Variants in CABP5 observed in about 807,000 individuals in gnomAD.
The protein encoded by CABP5 is calcium binding protein 5, also known as calcium-binding protein 5.
CABP5 carries 17 observed loss-of-function variants against 21.9 expected under a neutral mutation model. That is an observed-to-expected ratio of 0.78 (90% CI 0.53 to 1.17). The LOEUF (loss-of-function observed/expected upper bound fraction) is 1.17. Among genes scored for constraint, CABP5 ranks in the 50% most tolerant of loss-of-function variants. CABP5 has a pLI of 0.00. For synonymous variants in CABP5, 85 were observed against 79.4 expected, an observed-to-expected ratio of 1.07 and a Z score of -0.37; for missense variants, 229 against 228.9, an observed-to-expected ratio of 1.00 and a Z score of 0.00.
At position 48,030,476 on chromosome 19, in the gene CABP5, G is replaced by C; in HGVS notation, c.*81C>G. ...CTCCCTCTCTGCTTTAAGGGGATCTGGGGCTTTTGGGCTTTGGTTCTCCAC... is the reference window on the plus strand; with the variant it reads ...CTCCCTCTCTGCTTTAAGGGGATCTCGGGCTTTTGGGCTTTGGTTCTCCAC... On this transcript the variant is annotated 3_prime_UTR_variant, in exon 6 of 6. Transcript: ENST00000293255. 6.9e-7 allele frequency: 1 copy of C among 1,442,762 alleles called. No individual in the cohort carries two copies. The highest frequency in any genetic ancestry group is 9.6e-7 in the Non-Finnish European group (1 of 1,045,508). The allele number at this position is 1,442,762 out of a possible 1,614,324, so 89.4% of individuals were successfully genotyped here.
intron 4 of CABP5, among the ~76,000 whole-genome samples, chr19:48,038,431 A>AT (rs1222758254): frequency 1.3e-5 from 2 of 152,160 alleles, no homozygotes; most frequent in East Asian, 3.8e-4. Context: ...TGGGTCTGAT[A>AT]TTTTTTAGTA....
At chr19:48,040,789 C>A in intron 2 of CABP5, 41 bp from the exon 3 acceptor site, 2 of 1,608,626 alleles carry the variant, frequency 1.2e-6, no homozygotes, top group South Asian at 2.2e-5. Flanking sequence ...TTGAAGCAGT[C>A]AGTGGGGAAG....
chr19:48,042,959 A>G (rs1245362553), intron 1 of CABP5, among the ~76,000 whole-genome samples: 1 of 152,162 alleles, frequency 6.6e-6, no homozygotes, highest in Non-Finnish European at 1.5e-5. Flanking sequence ...ATGGAAAAAT[A>G]AAAAAATTTT....
intron 2 of CABP5, 65 bp downstream of exon 2, chr19:48,041,508 A>T: frequency 1.4e-6 from 2 of 1,447,710 alleles, no homozygotes; most frequent in Non-Finnish European, 1.9e-6. Flanking sequence ...AAATGCACAA[A>T]GGGACTGAGG....
Position 48,044,050 on chromosome 19 carries a change from T to C in CABP5, c.-128A>G. On this transcript the variant is annotated 5_prime_UTR_variant, in exon 1 of 6. Transcript: ENST00000293255. ...CCACCTCTTCCTGCCTCTCTTGGCT[T>C]CTCCTTCGGTCCCGGTGTCTTAGAG... 1 of 725,222 alleles carries C rather than the reference T, an allele frequency of 1.4e-6. No individual in the cohort carries two copies. The highest frequency in any genetic ancestry group is 2.2e-6 in the Non-Finnish European group (1 of 463,424). 44.9% of individuals were successfully genotyped at this position (725,222 alleles called of 1,614,324 possible). A position where few individuals can be genotyped will look rare whatever the true frequency, so the allele number is the denominator to read the frequency against.
chr19:48,036,489 TAGA>T (rs1018355230), intron 4 of CABP5, among the ~76,000 whole-genome samples: 2 of 151,616 alleles, frequency 1.3e-5, no homozygotes, highest in Non-Finnish European at 1.5e-5. Context: ...AAGCAGAGAG[TAGA>T]AGGATAGTTG....
At chr19:48,042,924 C>T (rs1383927962) in intron 1 of CABP5, among the ~76,000 whole-genome samples, 1 of 152,068 alleles carries the variant, frequency 6.6e-6, no homozygotes, top group Non-Finnish European at 1.5e-5. Flanking sequence ...AAAGTATGCC[C>T]ACATATCTGG....
At position 48,040,596 on chromosome 19, in the gene CABP5, T is replaced by C; in HGVS notation, c.238+9A>G. 1 of 1,613,776 alleles carries C rather than the reference T, an allele frequency of 6.2e-7. No homozygotes were observed. The highest frequency in any genetic ancestry group is 1.7e-4 in the Middle Eastern group (1 of 6,044). On this transcript the variant is annotated intron_variant, in intron 3 of 5. Transcript: ENST00000293255. ...AACCCCGGCCATCCCTCCCATTCCC[T>C]GGACTCACGGTTCATGCGGATTTGC... is the stretch of plus-strand genomic sequence containing the variant.
chr19:48,042,882 C>CT (rs1300807933), intron 1 of CABP5, among the ~76,000 whole-genome samples: 11 of 152,254 alleles, frequency 7.2e-5, no homozygotes, highest in Non-Finnish European at 7.4e-5. Flanking sequence ...TTTTTATTCT[C>CT]TTTTTTTGGT....
At chr19:48,039,403 G>T in intron 3 of CABP5, 86 bp from the exon 4 acceptor site, 1 of 1,000,248 alleles carries the variant, frequency 1.0e-6, no homozygotes, top group Non-Finnish European at 1.6e-6. Flanking sequence ...AGTTAGATCA[G>T]CTCCCTTCTC....
At chr19:48,037,285 T>TTTTTTTA (rs1967422079) in intron 4 of CABP5, among the ~76,000 whole-genome samples, 2 of 131,576 alleles carry the variant, frequency 1.5e-5, no homozygotes, top group African/African-American at 3.2e-5. Flanking sequence ...TTTTTTTTTT[T>TTTTTTTA]GAGGTGGAGT....
At chr19:48,042,585 T>A (rs1243778932) in intron 1 of CABP5, among the ~76,000 whole-genome samples, 2 of 151,854 alleles carry the variant, frequency 1.3e-5, no homozygotes, top group Non-Finnish European at 2.9e-5. Context: ...TCTCTCTTTT[T>A]TTTTTTTGAG....
chr19:48,039,706 T>TG (rs1568414062), intron 3 of CABP5, among the ~76,000 whole-genome samples: 25 of 111,300 alleles, frequency 2.2e-4, no homozygotes, highest in African/African-American at 9.5e-4. Flanking sequence ...CCAATAGCTT[T>TG]TTTTTTTTTT....
At chr19:48,039,018 C>T (rs778701895) in intron 4 of CABP5, among the ~76,000 whole-genome samples, 190 bp downstream of exon 4, 1 of 151,990 alleles carries the variant, frequency 6.6e-6, no homozygotes, top group Non-Finnish European at 1.5e-5. Context: ...ATAAAGTATA[C>T]AGAGGCATTG....
rs533717392 is a variant in CABP5, at chr19:48,040,573, C to T, written c.238+32G>A. On this transcript the variant is annotated intron_variant, in intron 3 of 5. Coordinates refer to ENST00000293255, the MANE Select transcript of CABP5 (RefSeq NM_019855.5). Reference sequence around the variant, plus strand: ...AATTCTGCCCTGATCCCTTCCCTAACCCCGGCCATCCCTCCCATTCCCTGG... The same window carrying T: ...AATTCTGCCCTGATCCCTTCCCTAATCCCGGCCATCCCTCCCATTCCCTGG... 49 of 1,612,796 alleles carry T rather than the reference C, an allele frequency of 3.0e-5. No homozygotes were observed. In the East Asian group the frequency reaches 9.1e-4, roughly 30 times the overall value.
At chr19:48,033,993 G>T (rs1225530920) in intron 5 of CABP5, among the ~76,000 whole-genome samples, 2 of 152,142 alleles carry the variant, frequency 1.3e-5, no homozygotes, top group East Asian at 3.9e-4. Context: ...TGGCTGAGGT[G>T]TTCCTCGGAG....
chr19:48,039,954 A>T (rs1403350711), intron 3 of CABP5, among the ~76,000 whole-genome samples: 2 of 152,174 alleles, frequency 1.3e-5, no homozygotes, highest in African/African-American at 4.8e-5. Context: ...ACCTCAGGTG[A>T]TCTGCCCACC....
chr19:48,043,906 C>T lies in CABP5; in HGVS notation c.17G>A (p.Gly6Asp). Residue 6 changes from glycine to aspartate, a missense_variant, in exon 1 of 6, where the codon GGC becomes GAC. Physicochemically the swap from Gly to Asp is moderately conservative, Grantham distance 94. Transcript: ENST00000293255. Reference protein sequence around the residue: MQFPMGPACIFLRKGI... With the variant: MQFPMDPACIFLRKGI... Reference sequence around the variant, plus strand: ...TTTCCTCAAGAAGATGCAGGCGGGGCCCATGGGGAACTGCATGGAGGGGTG... The same window carrying T: ...TTTCCTCAAGAAGATGCAGGCGGGGTCCATGGGGAACTGCATGGAGGGGTG... The T allele has an allele frequency of 2.0e-6, 3 of 1,502,998 alleles. No homozygotes were observed. Among genetic ancestry groups the T allele is most frequent in the Non-Finnish European group, 2.7e-6 (3 of 1,131,098 alleles). 93.1% of individuals were successfully genotyped at this position (1,502,998 alleles called of 1,614,324 possible).
chr19:48,040,630 C>T lies in CABP5; in HGVS notation c.213G>A (p.Glu71=), dbSNP rs779148194. 8 of 1,613,864 alleles carry T rather than the reference C, an allele frequency of 5.0e-6. No individual in the cohort carries two copies. Among genetic ancestry groups the T allele is most frequent in the Non-Finnish European group, 6.8e-6 (8 of 1,179,908 alleles). The part of the protein sequence containing the change: ...GYMPTEMELI[E]LGQQIRMNLG... ...GGTTCATGCGGATTTGCTGGCCGAGCTCAATCAGTTCCATCTCCGTGGGCA... is the reference window on the plus strand; with the variant it reads ...GGTTCATGCGGATTTGCTGGCCGAGTTCAATCAGTTCCATCTCCGTGGGCA... The change falls in exon 3 of 6, where the codon GAG becomes GAA. Residue 71 remains glutamate (E), a synonymous_variant. Coordinates refer to ENST00000293255, the MANE Select transcript of CABP5 (RefSeq NM_019855.5).
Sources: gnomAD v4.1 joint callset for allele counts (sites outside exome capture counted in the v4.1 genomes callset) on GRCh38, gnomAD v4.1.1 for gene constraint, MANE v1.5 for transcripts, NCBI Gene and HGNC (gene_info 2026-07-23, HGNC 2026-07-21) for gene names.